Variants in LIPI observed in about 807,000 individuals in gnomAD.
LIPI encodes the protein lipase I, also known as lipase member I.
A neutral mutation model predicts 50.6 loss-of-function variants in LIPI; 59 were observed. The ratio of observed to expected loss-of-function variants is 1.16; its 90% CI spans 0.94 to 1.45. The LOEUF (loss-of-function observed/expected upper bound fraction) is 1.45. Ranked by LOEUF, LIPI falls within the 40% of genes most tolerant of loss-of-function variation. The pLI is 0.00. For synonymous variants in LIPI, 203 were observed against 178.2 expected (o/e 1.14, Z -1.11); for missense variants, 586 against 536.3 (o/e 1.09, Z -0.92).
intron 9 of LIPI, among the ~76,000 whole-genome samples, chr21:14,134,725 A>G (rs9636759): frequency 0.24 from 36,012 of 152,108 alleles, 5,202 homozygotes; most frequent in East Asian, 0.45. Context: ...TAGTAGGAAA[A>G]TTGAATAGCC....
At chr21:14,179,041 G>A (rs1216409299) in intron 4 of LIPI, among the ~76,000 whole-genome samples, 1 of 152,108 alleles carries the variant, frequency 6.6e-6, no homozygotes, top group African/African-American at 2.4e-5. Flanking sequence ...GTCCTTTGGA[G>A]TTCCAGACAA....
At chr21:14,171,155 C>A (rs2123192134) in intron 4 of LIPI, among the ~76,000 whole-genome samples, 1 of 150,826 alleles carries the variant, frequency 6.6e-6, no homozygotes, top group Admixed American at 6.6e-5. Flanking sequence ...ATCCAACTTA[C>A]AAGGGATGTG....
intron 7 of LIPI, among the ~76,000 whole-genome samples, chr21:14,159,455 A>G (rs896762361): frequency 6.6e-6 from 1 of 151,462 alleles, no homozygotes; most frequent in Non-Finnish European, 1.5e-5. Flanking sequence ...ACACATATTT[A>G]TGAGGTAAAA....
intron 4 of LIPI, among the ~76,000 whole-genome samples, chr21:14,177,919 A>T (rs2019150015): frequency 7.5e-6 from 1 of 133,110 alleles, no homozygotes; most frequent in Admixed American, 7.6e-5. Flanking sequence ...TGCTCATGAC[A>T]GTTTCTCTCC....
chr21:14,119,725 G>A (rs2016792032), intron 9 of LIPI, among the ~76,000 whole-genome samples: 2 of 152,170 alleles, frequency 1.3e-5, no homozygotes, highest in African/African-American at 4.8e-5. Context: ...TGAAAGAAAA[G>A]AAATGGCTAC....
At chr21:14,115,728 T>G in intron 9 of LIPI, among the ~76,000 whole-genome samples, 1 of 151,486 alleles carries the variant, frequency 6.6e-6, no homozygotes, top group East Asian at 1.9e-4. Context: ...TGCAGGAGAG[T>G]CACAGAGCAG....
intron 4 of LIPI, among the ~76,000 whole-genome samples, chr21:14,175,955 G>T (rs559293124): frequency 2.6e-5 from 4 of 152,200 alleles, no homozygotes; most frequent in Admixed American, 2.6e-4. Context: ...GAGGCGGGCG[G>T]ATCACAAGGT....
intron 9 of LIPI, among the ~76,000 whole-genome samples, chr21:14,142,605 C>T (rs1028674919): frequency 1.3e-4 from 20 of 151,330 alleles, no homozygotes; most frequent in African/African-American, 4.8e-4. Flanking sequence ...ACCTCAGCCT[C>T]CTTAGCAGCT....
At chr21:14,179,234 T>C (rs1217572319) in intron 4 of LIPI, among the ~76,000 whole-genome samples, 2 of 151,912 alleles carry the variant, frequency 1.3e-5, no homozygotes, top group Non-Finnish European at 2.9e-5. Flanking sequence ...AAATGAGGAT[T>C]ACTGGCAAGT....
At position 14,160,307 on chromosome 21, in the gene LIPI, A is replaced by G. The variant is rs2018418630; in HGVS notation, c.1006+3112T>C. Among the ~76,000 whole-genome samples, 3 of 151,352 alleles carry G rather than the reference A, an allele frequency of 2.0e-5. No homozygotes were observed. In the East Asian group the frequency reaches 5.8e-4, roughly 29 times the overall value. ...CACATACATAAATGAAAAAATATAC[A>G]TATCAAAATACAGACCCAACACAAA... On this transcript the variant is annotated intron_variant, in intron 7 of 9. Coordinates refer to ENST00000681601, the MANE Select transcript of LIPI (RefSeq NM_001302998.2).
Position 14,171,889 on chromosome 21 carries a change from T to C in LIPI, c.644-5438A>G, listed in dbSNP as rs563738279. On this transcript the variant is annotated intron_variant, in intron 4 of 9. Transcript: ENST00000681601. ...ATGGGATCTAATTAAACTAAAGAGC[T>C]TCTGCACAGCAAAAGAAACTACCAT... Among the ~76,000 whole-genome samples the C allele has an allele frequency of 4.0e-4, 59 of 148,764 alleles. No homozygotes were observed. In the South Asian group the frequency reaches 0.012, roughly 30 times the overall value.
In LIPI at chr21:14,200,463, G is replaced by C. The variant is rs150709150; in HGVS notation, c.46+10337C>G. On this transcript the variant is annotated intron_variant, in intron 1 of 9. Coordinates refer to ENST00000681601, the MANE Select transcript of LIPI (RefSeq NM_001302998.2). ...ACTATTATTCCTATACACCAACAAA[G>C]TCAAGCCTAGAGCCAAATCAGGAAT... is the stretch of plus-strand genomic sequence containing the variant. Among the ~76,000 whole-genome samples, 830 of 152,000 alleles carry C rather than the reference G, an allele frequency of 5.5e-3. 7 individuals are homozygous for C. Among genetic ancestry groups the C allele is most frequent in the African/African-American group, 0.019 (792 of 41,494 alleles).
At chr21:14,181,257 C>A (rs556878025) in intron 4 of LIPI, among the ~76,000 whole-genome samples, 2 of 152,128 alleles carry the variant, frequency 1.3e-5, no homozygotes, top group Non-Finnish European at 2.9e-5. Flanking sequence ...AAATCCAATA[C>A]CCTGTTAGAG....
intron 9 of LIPI, among the ~76,000 whole-genome samples, chr21:14,124,951 T>C (rs1351906825): frequency 1.3e-5 from 2 of 152,048 alleles, no homozygotes; most frequent in East Asian, 3.9e-4. Context: ...GCCAAGATCA[T>C]GTCATTGCAC....
chr21:14,136,191 C>T (rs2017493165), intron 9 of LIPI, among the ~76,000 whole-genome samples: 1 of 152,146 alleles, frequency 6.6e-6, no homozygotes, highest in South Asian at 2.1e-4. Context: ...CATGGAGGGC[C>T]TTGGCGAGCC....
rs2019440585 is a variant in LIPI at position 14,185,985 on chromosome 21, GA to G, written c.516del (p.His173MetfsTer7). ...AHISGFVGKIFHGQLGRITGL... is the reference protein window; with the variant it reads ...AHISGFVGKIXHGQLGRITGL... ...CCTGTTATTCTTCCAAGTTGACCATGAAATATCTTTCCAACAAATCCACTGA... is the reference window on the plus strand; with the variant it reads ...CCTGTTATTCTTCCAAGTTGACCATGAATATCTTTCCAACAAATCCACTGA... On this transcript the variant is annotated frameshift_variant, in exon 3 of 10. Transcript: ENST00000681601. LOFTEE classifies it high-confidence loss of function. The G allele has an allele frequency of 1.3e-6, 2 of 1,580,616 alleles. No individual in the cohort carries two copies. The highest frequency in any genetic ancestry group is 1.7e-6 in the Non-Finnish European group (2 of 1,150,234).
At position 14,198,813 on chromosome 21, in the gene LIPI, T is replaced by G. The variant is rs75288878; in HGVS notation, c.47-9394A>C. ...ATAAAACAATAGAATACACATTTTT[T>G]TCAAGGCCACATGGCAAATAGTCTA... On this transcript the variant is annotated intron_variant, in intron 1 of 9. Coordinates refer to ENST00000681601, the MANE Select transcript of LIPI (RefSeq NM_001302998.2). Among the ~76,000 whole-genome samples the G allele has an allele frequency of 3.2e-4, 48 of 152,174 alleles. No individual in the cohort carries two copies. In the East Asian group the frequency reaches 8.7e-3, roughly 28 times the overall value.
intron 9 of LIPI, among the ~76,000 whole-genome samples, chr21:14,119,944 G>T (rs899266583): frequency 6.6e-6 from 1 of 152,134 alleles, no homozygotes; most frequent in African/African-American, 2.4e-5. Context: ...GGAACAGAGA[G>T]GACATCATTG....
intron 4 of LIPI, among the ~76,000 whole-genome samples, chr21:14,170,088 C>T (rs1291703055): frequency 3.9e-5 from 6 of 152,314 alleles, no homozygotes; most frequent in South Asian, 4.1e-4. Context: ...ACAAACACCT[C>T]GACGCAAATA....
Sources: allele counts gnomAD v4.1 joint callset (sites outside exome capture counted in the v4.1 genomes callset), GRCh38; gene constraint gnomAD v4.1.1; transcripts MANE v1.5; gene names NCBI Gene and HGNC (gene_info 2026-07-23, HGNC 2026-07-21).